PCBP3: variants seen among roughly 807,000 people sequenced by gnomAD.
PCBP3 encodes poly(rC)-binding protein 3.
In PCBP3, 25 loss-of-function variants were observed where a neutral mutation model predicts 52.7. That is an observed-to-expected ratio of 0.47 (90% CI 0.35 to 0.66). The LOEUF is 0.66. Ranked by LOEUF, PCBP3 falls within the 30% of genes least tolerant of loss-of-function variation. PCBP3 has a pLI of 0.01. For missense variants in PCBP3, 391 were observed against 490.3 expected, an observed-to-expected ratio of 0.80 and a Z score of 1.91; for synonymous variants, 162 against 183.0, an observed-to-expected ratio of 0.89 and a Z score of 0.93.
chr21:45,893,241 G>T (rs887375089), intron 5 of PCBP3, among the ~76,000 whole-genome samples: 1 of 151,810 alleles, frequency 6.6e-6, no homozygotes, highest in East Asian at 1.9e-4. Flanking sequence ...GGGGAGGAGG[G>T]AGGGGGCTCT....
At chr21:45,793,765 T>A (rs1351528932) in intron 4 of PCBP3, among the ~76,000 whole-genome samples, 1 of 152,130 alleles carries the variant, frequency 6.6e-6, no homozygotes, top group Non-Finnish European at 1.5e-5. Flanking sequence ...TAGATTTAAT[T>A]AGAACAGTAT....
chr21:45,892,150 G>T (rs866635289), intron 5 of PCBP3, among the ~76,000 whole-genome samples: 5 of 152,176 alleles, frequency 3.3e-5, no homozygotes, highest in Non-Finnish European at 7.4e-5. Flanking sequence ...GCAGGACCGC[G>T]GCGTCCTTCC....
At chr21:45,660,138 TAC>T (rs544794740) in intron 1 of PCBP3, among the ~76,000 whole-genome samples, 84 of 151,946 alleles carry the variant, frequency 5.5e-4, no homozygotes, top group Non-Finnish European at 1.1e-3. Context: ...TTTATATGTA[TAC>T]ACACACACAT....
intron 2 of PCBP3, among the ~76,000 whole-genome samples, chr21:45,672,281 T>C (rs2081220344): frequency 6.6e-6 from 1 of 152,184 alleles, no homozygotes; most frequent in Non-Finnish European, 1.5e-5. Context: ...ACTTCTCAGC[T>C]TCTATAACTG....
chr21:45,899,092 G>A (rs1210652264), intron 6 of PCBP3, among the ~76,000 whole-genome samples: 5 of 152,244 alleles, frequency 3.3e-5, no homozygotes, highest in South Asian at 2.1e-4. Context: ...AGCGGGGAAC[G>A]TGTGTCCCGA....
intron 4 of PCBP3, among the ~76,000 whole-genome samples, chr21:45,809,529 C>T (rs979046489): frequency 5.9e-5 from 9 of 152,116 alleles, no homozygotes; most frequent in Non-Finnish European, 1.0e-4. Flanking sequence ...CAGCCTGGGC[C>T]GGCTGCTGCG....
chr21:45,909,762 A>ACCC (rs1361072868), intron 10 of PCBP3, among the ~76,000 whole-genome samples: 1 of 45,222 alleles, frequency 2.2e-5, no homozygotes, highest in Non-Finnish European at 4.1e-5. Flanking sequence ...CCAGATACGG[A>ACCC]CCCCCCCCAC....
At chr21:45,815,107 AGTGGTGAGTGAGTG>A (rs1426409305) in intron 4 of PCBP3, among the ~76,000 whole-genome samples, 1 of 87,032 alleles carries the variant, frequency 1.1e-5, no homozygotes, top group Non-Finnish European at 2.3e-5. Context: ...GTGAGTGGTG[AGTGGTGAGTGAGTG>A]GTGAGTGGTG....
chr21:45,892,199 G>T (rs1424457882), intron 5 of PCBP3, among the ~76,000 whole-genome samples: 1 of 152,162 alleles, frequency 6.6e-6, no homozygotes, highest in Admixed American at 6.5e-5. Context: ...ATGGACGACG[G>T]GCAGTGCCTG....
chr21:45,862,439 A>G (rs907720603), intron 5 of PCBP3, among the ~76,000 whole-genome samples: 3 of 152,178 alleles, frequency 2.0e-5, no homozygotes, highest in Non-Finnish European at 2.9e-5. Flanking sequence ...TTTTTGCTAA[A>G]AAGATATAAA....
chr21:45,832,712 G>T (rs1167961838), intron 4 of PCBP3: 5 of 152,264 alleles, frequency 3.3e-5, no homozygotes. Flanking sequence ...AAATGCAGCT[G>T]TATTAGTTCG....
At chr21:45,794,497 G>A (rs1247711204) in intron 4 of PCBP3, among the ~76,000 whole-genome samples, 2 of 152,150 alleles carry the variant, frequency 1.3e-5, no homozygotes, top group Non-Finnish European at 1.5e-5. Flanking sequence ...TTTTCAGAAC[G>A]AAGAAAACCT....
At chr21:45,843,301 G>T (rs186611516) in intron 4 of PCBP3, among the ~76,000 whole-genome samples, 7 of 152,104 alleles carry the variant, frequency 4.6e-5, no homozygotes, top group Non-Finnish European at 7.4e-5. Flanking sequence ...CTGTGCCTTC[G>T]CAGTTGTTTT....
At position 45,724,547 on chromosome 21, in the gene PCBP3, G is replaced by T. The variant is rs2148370327; in HGVS notation, c.-199-10845G>T. ...TGGGAATCTCGCTGCCTTCATGGTG[G>T]CGGGCCAGGCTGCTCTGTAACACGA... On this transcript the variant is annotated intron_variant, in intron 2 of 17. Transcript: ENST00000681687. The surrounding 1 kb of genome is among the most constrained non-coding windows in gnomAD (Gnocchi z 5.3). 6.6e-6 allele frequency among the ~76,000 whole-genome samples: 1 copy of T among 152,308 alleles called. No individual in the cohort carries two copies. Among genetic ancestry groups the T allele is most frequent in the South Asian group, 2.1e-4 (1 of 4,818 alleles).
intron 4 of PCBP3, among the ~76,000 whole-genome samples, chr21:45,848,978 G>A (rs1200372573): frequency 2.0e-5 from 3 of 152,172 alleles, no homozygotes; most frequent in Admixed American, 6.5e-5. Context: ...GACATGCCAA[G>A]GGACACAGGT....
At chr21:45,906,919 T>C (rs2096225088) in intron 9 of PCBP3, among the ~76,000 whole-genome samples, 1 of 152,094 alleles carries the variant, frequency 6.6e-6, no homozygotes. Context: ...CAGGGTGTGG[T>C]GTACCTAAAC....
At chr21:45,758,928 CAT>C (rs1469219444) in intron 4 of PCBP3, among the ~76,000 whole-genome samples, 1 of 152,116 alleles carries the variant, frequency 6.6e-6, no homozygotes, top group South Asian at 2.1e-4. Flanking sequence ...AATTTTGTCA[CAT>C]ATTTTATCTA....
At chr21:45,899,504 CG>C in intron 6 of PCBP3, 94 bp from the exon 7 acceptor site, 2 of 897,214 alleles carry the variant, frequency 2.2e-6, no homozygotes, top group South Asian at 2.8e-5. Context: ...GCACTCATAC[CG>C]GGAAGGTAGG....
intron 2 of PCBP3, among the ~76,000 whole-genome samples, chr21:45,691,797 A>G (rs2082497943): frequency 2.6e-5 from 4 of 152,170 alleles, no homozygotes; most frequent in Non-Finnish European, 5.9e-5. Context: ...AAGAAAAACC[A>G]GCAGAGTGTT....
Sources: gnomAD v4.1 joint callset for allele counts (sites outside exome capture counted in the v4.1 genomes callset) on GRCh38, gnomAD v4.1.1 for gene constraint, Gnocchi (gnomAD v3.1) non-coding constraint, MANE v1.5 for transcripts, NCBI Gene and HGNC (gene_info 2026-07-23, HGNC 2026-07-21) for gene names.